ABLIM1: variants seen among roughly 807,000 people sequenced by gnomAD.
ABLIM1 encodes the protein actin binding LIM protein 1.
ABLIM1 carries 40 observed loss-of-function variants against 107.0 expected under a neutral mutation model. The observed-to-expected ratio is 0.37, with a 90% CI of 0.29 to 0.49. The LOEUF (loss-of-function observed/expected upper bound fraction) is 0.49. ABLIM1 is among the 20% of genes least tolerant of loss of function. The probability of loss-of-function intolerance (pLI) is 0.97; values close to 1 mark genes in which losing one functional copy is unlikely to be tolerated. For missense variants in ABLIM1, 857 were observed against 1,008.5 expected (o/e 0.85, Z 2.04); for synonymous variants, 357 against 357.3 (o/e 1.00, Z 0.01).
intron 6 of ABLIM1, among the ~76,000 whole-genome samples, chr10:114,500,121 A>C (rs533445561): frequency 6.6e-6 from 1 of 152,318 alleles, no homozygotes; most frequent in African/African-American, 2.4e-5. Context: ...ACAAATGAGA[A>C]CATCCTGTAG....
intron 8 of ABLIM1, among the ~76,000 whole-genome samples, chr10:114,479,444 C>T (rs73353707): frequency 0.015 from 2,240 of 152,282 alleles, 50 homozygotes; most frequent in African/African-American, 0.051. Context: ...GCAGCAGTCC[C>T]GCCAGGAGCT....
the ABLIM1 span, among the ~76,000 whole-genome samples, chr10:114,797,975 T>G: frequency 6.6e-6 from 1 of 152,226 alleles, no homozygotes; most frequent in Non-Finnish European, 1.5e-5. Flanking sequence ...ATAAAAAAAC[T>G]GTCATTATTT....
intron 6 of ABLIM1, among the ~76,000 whole-genome samples, chr10:114,540,488 T>C (rs182366549): frequency 1.3e-4 from 20 of 152,160 alleles, no homozygotes; most frequent in African/African-American, 4.8e-4. Context: ...CTGATGTGAT[T>C]TTCAGGGCTT....
intron 2 of ABLIM1, among the ~76,000 whole-genome samples, chr10:114,584,838 G>C (rs1157095509): frequency 2.6e-5 from 4 of 152,036 alleles, no homozygotes; most frequent in African/African-American, 9.7e-5. Context: ...TAAGTAAAGA[G>C]CCCTGATTGG....
chr10:114,592,577 A>G (rs1381477884), intron 2 of ABLIM1, among the ~76,000 whole-genome samples: 1 of 152,028 alleles, frequency 6.6e-6, no homozygotes, highest in African/African-American at 2.4e-5. Flanking sequence ...AAACTGAGGG[A>G]AAAGTGGGGT....
intron 8 of ABLIM1, among the ~76,000 whole-genome samples, chr10:114,484,231 T>C (rs2057833514): frequency 1.3e-5 from 2 of 152,194 alleles, no homozygotes; most frequent in South Asian, 4.1e-4. Context: ...TACCTAACTA[T>C]GATGGGTCTC....
At chr10:114,777,809 T>C in the ABLIM1 span, 1 of 152,296 alleles carries the variant, frequency 6.6e-6, no homozygotes, top group Admixed American at 6.5e-5. Flanking sequence ...TGGCCAGAGA[T>C]TGTCAGCTCC....
At position 114,707,495 on chromosome 10, in the gene ABLIM1, G is replaced by C. The variant is rs1465348761; in HGVS notation, c.-213+60566C>G. On this transcript the variant is annotated intron_variant, in intron 1 of 15. Coordinates refer to the ABLIM1 transcript ENST00000651092. The surrounding 1 kb of genome is among the most constrained non-coding windows in gnomAD (Gnocchi z 4.1). ...GATATGCCTGCCTTGGCCTCCCAAA[G>C]TGCTGGGATTACAGGCGTAAGCCAC... Among the ~76,000 whole-genome samples the C allele has an allele frequency of 6.6e-6, 1 of 152,126 alleles. No homozygotes were observed.
At chr10:114,538,801 C>A (rs1222614182) in intron 6 of ABLIM1, among the ~76,000 whole-genome samples, 1 of 152,208 alleles carries the variant, frequency 6.6e-6, no homozygotes, top group African/African-American at 2.4e-5. Flanking sequence ...GAGGGCCGAG[C>A]GCCTTTGTCC....
At chr10:114,636,235 G>A (rs1326505135) in intron 1 of ABLIM1, among the ~76,000 whole-genome samples, 1 of 152,136 alleles carries the variant, frequency 6.6e-6, no homozygotes, top group Non-Finnish European at 1.5e-5. Context: ...GAGGTAATAG[G>A]GCAAGAAGGC....
At chr10:114,798,026 AC>A in the ABLIM1 span, among the ~76,000 whole-genome samples, 1,085 of 152,360 alleles carry the variant, frequency 7.1e-3, 7 homozygotes, top group African/African-American at 0.025. Flanking sequence ...TTTACTATTA[AC>A]TATGTCCACA....
chr10:114,658,520 T>C (rs1015487973), upstream of ABLIM1, among the ~76,000 whole-genome samples: 4 of 152,208 alleles, frequency 2.6e-5, no homozygotes, highest in Non-Finnish European at 5.9e-5. Context: ...AGAATTCTCC[T>C]GCAAATACTC....
intron 6 of ABLIM1, among the ~76,000 whole-genome samples, chr10:114,540,129 G>A (rs1333923531): frequency 6.6e-6 from 1 of 152,180 alleles, no homozygotes; most frequent in Non-Finnish European, 1.5e-5. Flanking sequence ...AACAAGTGAT[G>A]AGAAATCAAG....
chr10:114,790,972 G>T, the ABLIM1 span, among the ~76,000 whole-genome samples: 3 of 151,842 alleles, frequency 2.0e-5, no homozygotes, highest in African/African-American at 7.3e-5. Context: ...ATTCTCAAAG[G>T]GATCAGTAAC....
intron 1 of ABLIM1, among the ~76,000 whole-genome samples, chr10:114,739,181 T>C (rs1035707271): frequency 6.6e-6 from 1 of 152,366 alleles, no homozygotes; most frequent in African/African-American, 2.4e-5. Flanking sequence ...TTTCTCTAGT[T>C]TCCGATGTTT....
chr10:114,441,188 G>T, intron 18 of ABLIM1, 111 bp from the exon 19 acceptor site: 2 of 1,158,602 alleles, frequency 1.7e-6, no homozygotes, highest in Non-Finnish European at 2.4e-6. Flanking sequence ...CAAGCTAAAT[G>T]TCAGACCTTC....
intron 22 of ABLIM1, among the ~76,000 whole-genome samples, chr10:114,436,831 C>T (rs908281746): frequency 6.6e-6 from 1 of 152,134 alleles, no homozygotes; most frequent in African/African-American, 2.4e-5. Context: ...GACTTCCCAT[C>T]AGTCATTCCC....
At chr10:114,529,015 G>A (rs2065167338) in intron 6 of ABLIM1, among the ~76,000 whole-genome samples, 1 of 152,130 alleles carries the variant, frequency 6.6e-6, no homozygotes, top group Admixed American at 6.5e-5. Flanking sequence ...GAGGAGTGAA[G>A]GTGTCCCCCT....
Position 114,588,845 on chromosome 10 carries a change from T to A in ABLIM1, c.379+12982A>T, listed in dbSNP as rs545127897. On this transcript the variant is annotated intron_variant, in intron 2 of 22. Transcript: ENST00000533213. ...TTTGTCCTTTTCATGGACCTATATT[T>A]TTTCCCCCCTCCATCACCCCACTAC... 2.0e-3 allele frequency among the ~76,000 whole-genome samples: 309 copies of A among 152,098 alleles called. 2 individuals are homozygous for A. Among genetic ancestry groups the A allele is most frequent in the African/African-American group, 7.2e-3 (297 of 41,508 alleles).
Sources: gnomAD v4.1 joint callset for allele counts (sites outside exome capture counted in the v4.1 genomes callset) on GRCh38, gnomAD v4.1.1 for gene constraint, Gnocchi (gnomAD v3.1) non-coding constraint, MANE v1.5 for transcripts, NCBI Gene and HGNC (gene_info 2026-07-23, HGNC 2026-07-21) for gene names.